Variants in FANK1 observed in about 807,000 individuals in gnomAD.
FANK1 encodes fibronectin type III and ankyrin repeat domains 1.
A neutral mutation model predicts 45.3 loss-of-function variants in FANK1; 44 were observed. That is an observed-to-expected ratio of 0.97 (90% CI 0.76 to 1.25). FANK1 has a LOEUF of 1.25. Ranked by LOEUF, FANK1 falls within the 50% of genes most tolerant of loss-of-function variation. The pLI is 0.00. For synonymous variants in FANK1, 149 were observed against 152.5 expected, an observed-to-expected ratio of 0.98 and a Z score of 0.17; for missense variants, 391 against 424.4, an observed-to-expected ratio of 0.92 and a Z score of 0.69.
chr10:125,934,727 T>TGC (rs1351418772), intron 1 of FANK1, among the ~76,000 whole-genome samples: 1 of 6,746 alleles, frequency 1.5e-4, no homozygotes, highest in African/African-American at 5.0e-4. Context: ...CCCTACCGTT[T>TGC]TTTTTTTTTT....
chr10:125,906,341 C>T (rs1329313609), intron 1 of FANK1, among the ~76,000 whole-genome samples: 2 of 151,768 alleles, frequency 1.3e-5, no homozygotes, highest in Non-Finnish European at 2.9e-5. Context: ...CATGGTGAAA[C>T]CCCATCTCTA....
At chr10:125,911,062 C>G (rs1004695016) in intron 1 of FANK1, among the ~76,000 whole-genome samples, 12 of 151,134 alleles carry the variant, frequency 7.9e-5, no homozygotes, top group Non-Finnish European at 5.9e-5. Context: ...TGTCCACATT[C>G]AAATCCCTGA....
At chr10:126,000,055 GA>G (rs1564966528) in intron 6 of FANK1, among the ~76,000 whole-genome samples, 1 of 152,014 alleles carries the variant, frequency 6.6e-6, no homozygotes, top group East Asian at 1.9e-4. Flanking sequence ...GAAATAGAAT[GA>G]AAACAAGAAA....
chr10:126,006,386 G>C (rs1953202495), intron 7 of FANK1, among the ~76,000 whole-genome samples: 1 of 152,190 alleles, frequency 6.6e-6, no homozygotes, highest in Non-Finnish European at 1.5e-5. Context: ...TTATGTTTTA[G>C]AGACAGGCAC....
At chr10:125,932,978 T>A (rs1947849584) in intron 1 of FANK1, among the ~76,000 whole-genome samples, 1 of 152,162 alleles carries the variant, frequency 6.6e-6, no homozygotes, top group South Asian at 2.1e-4. Context: ...TTTTTTTAAA[T>A]TTTGTTTGTG....
intron 1 of FANK1, among the ~76,000 whole-genome samples, chr10:125,919,336 G>C (rs150995984): frequency 1.3e-5 from 2 of 149,780 alleles, no homozygotes; most frequent in African/African-American, 4.9e-5. Context: ...CTCGCTAGTA[G>C]CTGGGATTAC....
intron 1 of FANK1, chr10:125,960,213 A>T: frequency 3.7e-6 from 1 of 268,280 alleles, no homozygotes; most frequent in Non-Finnish European, 7.3e-6. Context: ...GGTAAAGCAC[A>T]GGATCTGGAC....
intron 1 of FANK1, chr10:125,973,262 A>C (rs886991431): frequency 2.9e-5 from 5 of 169,922 alleles, no homozygotes. Context: ...GCCTGTTCTG[A>C]TCTCTAGTAG....
chr10:125,910,102 T>A (rs1290387122), intron 1 of FANK1, among the ~76,000 whole-genome samples: 2 of 152,208 alleles, frequency 1.3e-5, no homozygotes, highest in Non-Finnish European at 2.9e-5. Context: ...ACTTTAAAGT[T>A]CATGTCTGAT....
chr10:125,908,586 T>C (rs530961598), intron 1 of FANK1, among the ~76,000 whole-genome samples: 2 of 151,742 alleles, frequency 1.3e-5, no homozygotes, highest in South Asian at 4.2e-4. Context: ...ACAATTGACT[T>C]GGGGACCCAG....
At chr10:126,000,781 CA>C (rs1242895919) in intron 6 of FANK1, among the ~76,000 whole-genome samples, 1 of 152,078 alleles carries the variant, frequency 6.6e-6, no homozygotes. Context: ...GTATTAGAGA[CA>C]AATTACCAGC....
chr10:125,919,899 C>T (rs1333582274), intron 1 of FANK1, among the ~76,000 whole-genome samples: 1 of 151,142 alleles, frequency 6.6e-6, no homozygotes, highest in Non-Finnish European at 1.5e-5. Context: ...GTGTAACCTT[C>T]TTATTTGTTT....
chr10:125,944,083 T>A (rs1948620409), intron 1 of FANK1, among the ~76,000 whole-genome samples: 1 of 152,258 alleles, frequency 6.6e-6, no homozygotes, highest in Non-Finnish European at 1.5e-5. Flanking sequence ...TGAATTATTC[T>A]TGTGTATACT....
At chr10:125,962,355 G>A (rs1240686739) in intron 1 of FANK1, among the ~76,000 whole-genome samples, 11 of 152,028 alleles carry the variant, frequency 7.2e-5, no homozygotes, top group Non-Finnish European at 1.5e-5. Flanking sequence ...TTGGATTTGT[G>A]GGTTTATGCT....
At chr10:125,998,002 CAG>C (rs1445765857) in intron 6 of FANK1, among the ~76,000 whole-genome samples, 18 of 152,242 alleles carry the variant, frequency 1.2e-4, no homozygotes, top group Non-Finnish European at 2.6e-4. Context: ...AGGAAAAGCT[CAG>C]GGGAAGAACG....
chr10:125,897,677 T>C (rs1476134083), intron 1 of FANK1, among the ~76,000 whole-genome samples: 7 of 152,296 alleles, frequency 4.6e-5, no homozygotes, highest in African/African-American at 7.2e-5. Flanking sequence ...TTGTGACTTA[T>C]AGTTGCTTGA....
intron 1 of FANK1, among the ~76,000 whole-genome samples, chr10:125,900,753 G>A (rs1944966887): frequency 6.6e-6 from 1 of 152,158 alleles, no homozygotes; most frequent in Non-Finnish European, 1.5e-5. Flanking sequence ...CCAGGTTCCA[G>A]CGATTCTCCT....
At chr10:125,897,709 C>T (rs77095943) in intron 1 of FANK1, among the ~76,000 whole-genome samples, 2 of 152,308 alleles carry the variant, frequency 1.3e-5, no homozygotes, top group Admixed American at 1.3e-4. Flanking sequence ...CAGTATTTGT[C>T]ATTTGCATTT....
chr10:125,979,967 G>A (rs1951094279), intron 1 of FANK1, 194 bp from the exon 2 acceptor site: 1 of 638,062 alleles, frequency 1.6e-6, no homozygotes, highest in East Asian at 2.8e-5. Context: ...GAAGACTGTG[G>A]TAGCTCACAC....
Sources: allele counts gnomAD v4.1 joint callset (sites outside exome capture counted in the v4.1 genomes callset), GRCh38; gene constraint gnomAD v4.1.1; transcripts MANE v1.5; gene names NCBI Gene and HGNC (gene_info 2026-07-23, HGNC 2026-07-21).